The following RGS22 variants were observed in gnomAD, a reference collection of about 807,000 sequenced individuals.
The protein encoded by RGS22 is regulator of G-protein signaling 22.
In RGS22, 148 loss-of-function variants were observed where a neutral mutation model predicts 172.9. That is an observed-to-expected ratio of 0.86 (90% CI 0.75 to 0.98). The LOEUF (loss-of-function observed/expected upper bound fraction) is 0.98. Among genes scored for constraint, RGS22 ranks in the 50% least tolerant of loss-of-function variants. The pLI is 0.00. For synonymous variants in RGS22, 458 were observed against 480.2 expected (o/e 0.95, Z 0.60); for missense variants, 1,347 against 1,440.8 (o/e 0.93, Z 1.05).
chr8:100,016,978 CTT>C (rs71274949), intron 14 of RGS22, among the ~76,000 whole-genome samples: 330 of 36,048 alleles, frequency 9.2e-3, no homozygotes, highest in Non-Finnish European at 0.013. Flanking sequence ...CCTTACCAGT[CTT>C]TTTTTTTTTT....
intron 23 of RGS22, among the ~76,000 whole-genome samples, chr8:99,968,783 G>A (rs1563554993): frequency 6.6e-6 from 1 of 152,140 alleles, no homozygotes; most frequent in Non-Finnish European, 1.5e-5. Flanking sequence ...TGGGGAGAAT[G>A]GAACCAAGTT....
intron 3 of RGS22, among the ~76,000 whole-genome samples, chr8:100,081,915 T>C (rs1586237216): frequency 8.4e-6 from 1 of 119,746 alleles, no homozygotes; most frequent in Admixed American, 7.8e-5. Flanking sequence ...TTTCCTTTTT[T>C]TTTTTTTTTT....
At chr8:99,981,615 A>C (rs1437804349) in intron 22 of RGS22, among the ~76,000 whole-genome samples, 1 of 152,180 alleles carries the variant, frequency 6.6e-6, no homozygotes, top group Non-Finnish European at 1.5e-5. Context: ...TATTTAAATT[A>C]AATAGAATAA....
At chr8:100,090,207 T>C (rs1285283315) in intron 3 of RGS22, among the ~76,000 whole-genome samples, 1 of 152,154 alleles carries the variant, frequency 6.6e-6, no homozygotes, top group Non-Finnish European at 1.5e-5. Flanking sequence ...CATATTGTCT[T>C]CATAGAGAAA....
At chr8:100,100,842 A>C (rs1262864518) in intron 2 of RGS22, among the ~76,000 whole-genome samples, 1 of 152,222 alleles carries the variant, frequency 6.6e-6, no homozygotes, top group Non-Finnish European at 1.5e-5. Flanking sequence ...TTAAAGCTAA[A>C]GTTTATCTTA....
intron 19 of RGS22, among the ~76,000 whole-genome samples, chr8:99,997,209 C>A (rs576887057): frequency 6.6e-6 from 1 of 152,152 alleles, no homozygotes; most frequent in African/African-American, 2.4e-5. Flanking sequence ...AGAATCAATC[C>A]TCACCCTTCC....
rs768659602 is a variant in RGS22 at position 100,105,967 on chromosome 8, C to A, written c.-46G>T. On this transcript the variant is annotated 5_prime_UTR_variant, in exon 1 of 28. Coordinates refer to ENST00000360863, the MANE Select transcript of RGS22 (RefSeq NM_015668.5). Reference sequence around the variant, plus strand: ...CTGGAGCCCGCGCGGGCCGTCAGGGCCCTAGCGCGCGGGTCCAGCGCGGGT... The same window carrying A: ...CTGGAGCCCGCGCGGGCCGTCAGGGACCTAGCGCGCGGGTCCAGCGCGGGT... The A allele has an allele frequency of 3.6e-6, 5 of 1,385,994 alleles. No individual in the cohort carries two copies. Among genetic ancestry groups the A allele is most frequent in the South Asian group, 3.2e-5 (2 of 62,686 alleles). The allele number at this position is 1,385,994 out of a possible 1,614,324, so 85.9% of individuals were successfully genotyped here. A position where few individuals can be genotyped will look rare whatever the true frequency, so the allele number is the denominator to read the frequency against.
intron 2 of RGS22, among the ~76,000 whole-genome samples, chr8:100,102,200 C>T (rs1003024566): frequency 6.6e-6 from 1 of 152,206 alleles, no homozygotes; most frequent in Non-Finnish European, 1.5e-5. Context: ...GCTGTGTGAC[C>T]TAAGGGTCCA....
chr8:99,963,973 A>C (rs1810462984), intron 24 of RGS22, among the ~76,000 whole-genome samples: 1 of 152,192 alleles, frequency 6.6e-6, no homozygotes, highest in South Asian at 2.1e-4. Flanking sequence ...ATATTTATAA[A>C]ATATCTTTGG....
At chr8:100,048,205 G>C (rs1820932989) in intron 10 of RGS22, among the ~76,000 whole-genome samples, 1 of 151,988 alleles carries the variant, frequency 6.6e-6, no homozygotes, top group South Asian at 2.1e-4. Context: ...TGGAGAATGG[G>C]ATATACATAA....
intron 3 of RGS22, among the ~76,000 whole-genome samples, chr8:100,091,292 T>TA (rs1812565011): frequency 1.5e-5 from 2 of 132,814 alleles, no homozygotes. Flanking sequence ...CAAGAGGAAC[T>TA]CCAAAAAAAA....
chr8:100,090,766 G>A (rs371040583), intron 3 of RGS22, among the ~76,000 whole-genome samples: 1 of 152,096 alleles, frequency 6.6e-6, no homozygotes, highest in East Asian at 1.9e-4. Flanking sequence ...GCATATTCAT[G>A]TTTGAGAAGC....
At chr8:100,043,113 G>A (rs575064064) in intron 11 of RGS22, among the ~76,000 whole-genome samples, 1 of 152,182 alleles carries the variant, frequency 6.6e-6, no homozygotes, top group South Asian at 2.1e-4. Context: ...CCTATTATCG[G>A]ATTTCTTGTT....
At chr8:100,064,546 T>C (rs1277312201) in intron 7 of RGS22, among the ~76,000 whole-genome samples, 2 of 152,106 alleles carry the variant, frequency 1.3e-5, no homozygotes, top group African/African-American at 4.8e-5. Flanking sequence ...AAACTGCCAA[T>C]GGGAATTAAC....
chr8:100,025,201 A>G (rs1818053195), intron 14 of RGS22, among the ~76,000 whole-genome samples: 1 of 152,202 alleles, frequency 6.6e-6, no homozygotes, highest in South Asian at 2.1e-4. Flanking sequence ...CCACTTTACT[A>G]GCAAACATGA....
intron 14 of RGS22, among the ~76,000 whole-genome samples, chr8:100,031,525 G>A (rs1478263221): frequency 6.6e-6 from 1 of 151,840 alleles, no homozygotes. Context: ...AATTCTCCTA[G>A]ACTCTAAGTT....
At chr8:100,010,807 T>C (rs969668044) in intron 14 of RGS22, among the ~76,000 whole-genome samples, 1 of 151,358 alleles carries the variant, frequency 6.6e-6, no homozygotes, top group African/African-American at 2.4e-5. Flanking sequence ...AGAAGATAAT[T>C]CTTTTTTTTT....
At chr8:100,033,390 C>T (rs1390089765) in intron 14 of RGS22, among the ~76,000 whole-genome samples, 1 of 152,136 alleles carries the variant, frequency 6.6e-6, no homozygotes, top group Non-Finnish European at 1.5e-5. Context: ...CTATAAACGC[C>T]TCTATGCAAA....
Position 100,105,924 on chromosome 8 carries a change from C to A in RGS22, c.-3G>T, listed in dbSNP as rs1441250170. The A allele has an allele frequency of 4.7e-6, 7 of 1,487,116 alleles. No homozygotes were observed. Among genetic ancestry groups the A allele is most frequent in the Admixed American group, 4.7e-5 (2 of 42,482 alleles). The allele number at this position is 1,487,116 out of a possible 1,614,324, so 92.1% of individuals were successfully genotyped here. On this transcript the variant is annotated 5_prime_UTR_variant, in exon 1 of 28. Coordinates refer to ENST00000360863, the MANE Select transcript of RGS22 (RefSeq NM_015668.5). ...GCGGTGAGCCTCTTCTCGGGCATGC[C>A]GTCCCCGCTGCCCGCGCCTGGAGCC...
Sources: gnomAD v4.1 joint callset for allele counts (sites outside exome capture counted in the v4.1 genomes callset) on GRCh38, gnomAD v4.1.1 for gene constraint, MANE v1.5 for transcripts, NCBI Gene and HGNC (gene_info 2026-07-23, HGNC 2026-07-21) for gene names.